The following PREX1 variants were observed in gnomAD, a reference collection of about 807,000 sequenced individuals.
PREX1 encodes the protein phosphatidylinositol-3,4,5-trisphosphate dependent Rac exchange factor 1.
Under a neutral mutation model 198.3 loss-of-function variants are expected in PREX1, and 41 were observed. The ratio of observed to expected loss-of-function variants is 0.21; its 90% CI spans 0.16 to 0.27. PREX1 has a LOEUF of 0.27. PREX1 is among the 10% of genes least tolerant of loss of function. PREX1 has a pLI of 1.00. For missense variants in PREX1, 1,620 were observed against 2,200.7 expected (o/e 0.74, Z 5.28); for synonymous variants, 843 against 887.2 (o/e 0.95, Z 0.89).
At chr20:48,685,553 C>T (rs1601075515) in intron 10 of PREX1, among the ~76,000 whole-genome samples, 1 of 152,326 alleles carries the variant, frequency 6.6e-6, no homozygotes, top group East Asian at 1.9e-4. Context: ...TAAGAAACTT[C>T]CCCAATGTCA....
intron 1 of PREX1, among the ~76,000 whole-genome samples, chr20:48,772,678 G>A (rs1199348485): frequency 6.6e-6 from 1 of 152,198 alleles, no homozygotes; most frequent in African/African-American, 2.4e-5. Flanking sequence ...GAAACTGAGG[G>A]CTGAGGAAGG....
intron 5 of PREX1, among the ~76,000 whole-genome samples, chr20:48,723,106 C>T (rs1233832444): frequency 5.3e-5 from 8 of 152,234 alleles, no homozygotes; most frequent in South Asian, 2.1e-4. Context: ...TCTTAGGCAA[C>T]GTTCAAGTTC....
chr20:48,766,061 C>A (rs752256646), intron 1 of PREX1, among the ~76,000 whole-genome samples: 1 of 152,170 alleles, frequency 6.6e-6, no homozygotes, highest in Admixed American at 6.5e-5. Context: ...TCTCCCATCA[C>A]CCCCAGATGG....
Position 48,651,432 on chromosome 20 carries a change from G to A in PREX1, c.2619C>T (p.Ile873=), listed in dbSNP as rs866082253. 25 of 1,612,166 alleles carry A rather than the reference G, an allele frequency of 1.6e-5. No homozygotes were observed. Among genetic ancestry groups the A allele is most frequent in the African/African-American group, 6.7e-5 (5 of 74,912 alleles). The change falls in exon 22 of 40, where the codon ATC becomes ATT. Residue 873 remains isoleucine, a synonymous_variant. Coordinates refer to ENST00000371941, the MANE Select transcript of PREX1 (RefSeq NM_020820.4). ...AGVRCHVLEK[I]VEPRGCFGLT... ...GGCCGAAGCAGCCGCGGGGCTCCACGATCTTCTCCAGCACATGGCACCTGA... is the reference window on the plus strand; with the variant it reads ...GGCCGAAGCAGCCGCGGGGCTCCACAATCTTCTCCAGCACATGGCACCTGA...
chr20:48,839,736 C>T, the PREX1 span, among the ~76,000 whole-genome samples: 1 of 152,196 alleles, frequency 6.6e-6, no homozygotes, highest in African/African-American at 2.4e-5. Context: ...AGATGTGCAT[C>T]ATCACCTCTA....
At chr20:48,637,599 T>A (rs1240244594) in intron 31 of PREX1, 112 bp downstream of exon 31, 6 of 1,135,386 alleles carry the variant, frequency 5.3e-6, no homozygotes, top group Non-Finnish European at 7.3e-6. Context: ...TTGGAGGGGC[T>A]CCAGGCCAAA....
Position 48,747,874 on chromosome 20 carries a change from G to A in PREX1, c.226C>T (p.Leu76=), listed in dbSNP as rs1416392522. 1.2e-6 allele frequency: 2 copies of A among 1,612,610 alleles called. No homozygotes were observed. Among genetic ancestry groups the A allele is most frequent in the Non-Finnish European group, 1.7e-6 (2 of 1,179,382 alleles). The change falls in exon 2 of 40, where the codon CTG becomes TTG. Residue 76 remains leucine (L), a synonymous_variant. Transcript: ENST00000371941. ...GTLRFLQSAF[L]HRIRQNVADS... is the part of the protein sequence containing the mutation. ...GCCACGTTCTGCCGGATGCGATGCA[G>A]GAATGCCTGGAGGAGAGAAGCAGAG...
the PREX1 span, among the ~76,000 whole-genome samples, chr20:48,874,815 T>G: frequency 1.4e-5 from 2 of 147,802 alleles, no homozygotes; most frequent in Non-Finnish European, 3.0e-5. Context: ...AGGTGGAGGT[T>G]GTAGTGAGCC....
At chr20:48,865,442 G>A in the PREX1 span, among the ~76,000 whole-genome samples, 2 of 152,190 alleles carry the variant, frequency 1.3e-5, no homozygotes. Flanking sequence ...AAAGGAAGAC[G>A]GGTCTCCATG....
chr20:48,704,308 A>G (rs776674276), intron 6 of PREX1, among the ~76,000 whole-genome samples: 4 of 152,264 alleles, frequency 2.6e-5, no homozygotes, highest in Non-Finnish European at 5.9e-5. Context: ...AGTCTAGAGC[A>G]GGAGTCTCCA....
At chr20:48,682,979 C>A (rs764073838) in intron 10 of PREX1, among the ~76,000 whole-genome samples, 4 of 147,152 alleles carry the variant, frequency 2.7e-5, no homozygotes, top group Non-Finnish European at 6.1e-5. Context: ...GGTAGCGGTG[C>A]GTGCTGGAGC....
chr20:48,701,152 C>T (rs1412057102), intron 6 of PREX1, among the ~76,000 whole-genome samples: 1 of 152,152 alleles, frequency 6.6e-6, no homozygotes, highest in Non-Finnish European at 1.5e-5. Context: ...ACTCACCCAG[C>T]TCATACAGGT....
chr20:48,667,691 G>T (rs955048666), intron 14 of PREX1, among the ~76,000 whole-genome samples: 1 of 152,234 alleles, frequency 6.6e-6, no homozygotes, highest in African/African-American at 2.4e-5. Flanking sequence ...ACTTCCCGAA[G>T]GAAGTGACAT....
In PREX1 at chr20:48,659,443, C is replaced by T. The variant is rs7261228; in HGVS notation, c.1881+476G>A. ...CATTGGGGGACTTTACAGTGAGGGG[C>T]ATGAAATCAGAGGGAACAGCAGTCC... On this transcript the variant is annotated intron_variant, in intron 16 of 39. Transcript: ENST00000371941. 3.3e-5 allele frequency among the ~76,000 whole-genome samples: 5 copies of T among 151,712 alleles called. No homozygotes were observed. In the South Asian group the frequency reaches 1.0e-3, roughly 32 times the overall value.
intron 1 of PREX1, among the ~76,000 whole-genome samples, chr20:48,793,130 G>A (rs906718316): frequency 2.6e-5 from 4 of 152,298 alleles, no homozygotes; most frequent in South Asian, 4.1e-4. Flanking sequence ...GCTTGAACCG[G>A]AAGGCAGAGG....
At chr20:48,847,946 T>C in the PREX1 span, among the ~76,000 whole-genome samples, 1 of 152,198 alleles carries the variant, frequency 6.6e-6, no homozygotes, top group African/African-American at 2.4e-5. Flanking sequence ...AGCTTGTTCT[T>C]TTTCATTGTT....
chr20:48,651,898 C>T (rs553572355), intron 21 of PREX1, among the ~76,000 whole-genome samples: 1 of 152,354 alleles, frequency 6.6e-6, no homozygotes, highest in Admixed American at 6.5e-5. Context: ...GAGCCATGAG[C>T]AGGCTACTGC....
intron 5 of PREX1, among the ~76,000 whole-genome samples, chr20:48,724,272 C>G (rs548149635): frequency 1.1e-4 from 17 of 152,210 alleles, no homozygotes; most frequent in South Asian, 4.1e-4. Context: ...GCCTCAGCTG[C>G]CCCATCTCCA....
At chr20:48,727,317 T>C (rs1351590379) in intron 4 of PREX1, among the ~76,000 whole-genome samples, 1 of 152,124 alleles carries the variant, frequency 6.6e-6, no homozygotes, top group Non-Finnish European at 1.5e-5. Flanking sequence ...ACCGTTACCC[T>C]AACTCCCACG....
Sources: allele counts gnomAD v4.1 joint callset (sites outside exome capture counted in the v4.1 genomes callset), GRCh38; gene constraint gnomAD v4.1.1; transcripts MANE v1.5; gene names NCBI Gene and HGNC (gene_info 2026-07-23, HGNC 2026-07-21).